Variants in CTNNA3 observed in about 807,000 individuals in gnomAD.
CTNNA3 encodes catenin alpha-3.
A neutral mutation model predicts 95.7 loss-of-function variants in CTNNA3; 76 were observed. The observed-to-expected ratio is 0.79, with a 90% CI of 0.66 to 0.96. The LOEUF (loss-of-function observed/expected upper bound fraction) is 0.96. CTNNA3 is among the 40% of genes least tolerant of loss of function. The probability of loss-of-function intolerance (pLI) is 0.00; values close to 1 mark genes in which losing one functional copy is unlikely to be tolerated. For missense variants in CTNNA3, 1,191 were observed against 1,089.8 expected, an observed-to-expected ratio of 1.09 and a Z score of -1.31; for synonymous variants, 431 against 374.4, an observed-to-expected ratio of 1.15 and a Z score of -1.74.
intron 5 of CTNNA3, among the ~76,000 whole-genome samples, chr10:67,341,063 G>A (rs1842166018): frequency 6.6e-6 from 1 of 152,018 alleles, no homozygotes; most frequent in African/African-American, 2.4e-5. Flanking sequence ...TTTAATTTTT[G>A]TGGGTACATA....
At chr10:67,415,916 A>T (rs954689557) in intron 5 of CTNNA3, among the ~76,000 whole-genome samples, 4 of 152,214 alleles carry the variant, frequency 2.6e-5, no homozygotes, top group South Asian at 2.1e-4. Flanking sequence ...CTATTCAATA[A>T]ATGGTGCTGG....
chr10:67,224,773 G>A (rs1461894126), intron 5 of CTNNA3, among the ~76,000 whole-genome samples: 3 of 152,200 alleles, frequency 2.0e-5, no homozygotes, highest in African/African-American at 7.2e-5. Context: ...CCACTGGGAG[G>A]GCAGCCAGAG....
At chr10:67,758,287 T>C (rs944058888) in intron 1 of CTNNA3, among the ~76,000 whole-genome samples, 1 of 142,628 alleles carries the variant, frequency 7.0e-6, no homozygotes, top group East Asian at 2.0e-4. Context: ...TGTATATGTA[T>C]ATACACACAC....
intron 6 of CTNNA3, among the ~76,000 whole-genome samples, chr10:67,210,092 G>T (rs188346994): frequency 1.3e-5 from 2 of 152,066 alleles, no homozygotes; most frequent in African/African-American, 4.8e-5. Flanking sequence ...CAGATCACAA[G>T]GTCGGGAGAT....
At position 65,950,995 on chromosome 10, in the gene CTNNA3, A is replaced by G. The variant is rs145346389; in HGVS notation, c.2400+15617T>C. 3.3e-3 allele frequency among the ~76,000 whole-genome samples: 509 copies of G among 152,302 alleles called. 4 individuals are homozygous for G. Among genetic ancestry groups the G allele is most frequent in the African/African-American group, 0.012 (479 of 41,554 alleles). ...CTGCCATTTGTGAGAGAGATACCACAGCAGTCTCAGTAAACCATGTCAAAT... is the reference window on the plus strand; with the variant it reads ...CTGCCATTTGTGAGAGAGATACCACGGCAGTCTCAGTAAACCATGTCAAAT... On this transcript the variant is annotated intron_variant, in intron 17 of 17. Transcript: ENST00000433211.
chr10:66,347,488 T>A (rs2092532277), intron 12 of CTNNA3, among the ~76,000 whole-genome samples: 1 of 151,784 alleles, frequency 6.6e-6, no homozygotes. Context: ...GGTGGCCACA[T>A]CTGCGGTTCC....
At chr10:67,132,393 A>G (rs1388673643) in intron 7 of CTNNA3, among the ~76,000 whole-genome samples, 1 of 152,084 alleles carries the variant, frequency 6.6e-6, no homozygotes, top group Non-Finnish European at 1.5e-5. Flanking sequence ...TCTTTGCTGG[A>G]CAACTATAAA....
intron 7 of CTNNA3, among the ~76,000 whole-genome samples, chr10:66,976,089 A>G (rs1850012647): frequency 6.6e-6 from 1 of 152,176 alleles, no homozygotes; most frequent in South Asian, 2.1e-4. Context: ...ACTTACTGTT[A>G]GGTGCTAGTA....
intron 3 of CTNNA3, among the ~76,000 whole-genome samples, chr10:67,585,138 C>T (rs952819402): frequency 3.9e-5 from 6 of 152,178 alleles, no homozygotes; most frequent in African/African-American, 7.2e-5. Flanking sequence ...CCATCTTCTG[C>T]GTCACTCATG....
At chr10:66,485,668 CAAAAT>C (rs999087735) in intron 11 of CTNNA3, among the ~76,000 whole-genome samples, 2 of 152,094 alleles carry the variant, frequency 1.3e-5, no homozygotes, top group African/African-American at 4.8e-5. Context: ...CCATACTACT[CAAAAT>C]AATCTATAGA....
chr10:65,965,959 A>T (rs2077956662), intron 17 of CTNNA3, among the ~76,000 whole-genome samples: 1 of 152,170 alleles, frequency 6.6e-6, no homozygotes, highest in South Asian at 2.1e-4. Flanking sequence ...TCCAATATAG[A>T]TATCAAATAT....
chr10:66,440,727 A>T (rs1319764166), intron 11 of CTNNA3, among the ~76,000 whole-genome samples: 1 of 152,178 alleles, frequency 6.6e-6, no homozygotes, highest in Non-Finnish European at 1.5e-5. Context: ...GGGCACCCTC[A>T]TCTGACTAGC....
intron 5 of CTNNA3, among the ~76,000 whole-genome samples, chr10:67,252,027 C>T (rs1475655278): frequency 2.6e-5 from 4 of 151,854 alleles, no homozygotes; most frequent in Admixed American, 6.6e-5. Flanking sequence ...CTGGCCAACA[C>T]GGTGAAACTC....
chr10:66,121,870 A>G (rs559317108), intron 13 of CTNNA3, among the ~76,000 whole-genome samples: 42 of 152,286 alleles, frequency 2.8e-4, no homozygotes, highest in African/African-American at 9.9e-4. Context: ...AGGTTTACCA[A>G]CTTTTTAAAA....
At chr10:66,197,550 CA>C (rs1376921097) in intron 13 of CTNNA3, among the ~76,000 whole-genome samples, 2 of 151,732 alleles carry the variant, frequency 1.3e-5, no homozygotes, top group Non-Finnish European at 2.9e-5. Flanking sequence ...TAATCACCTG[CA>C]AAAAAAGTAT....
At chr10:66,699,705 A>G (rs1054897844) in intron 9 of CTNNA3, among the ~76,000 whole-genome samples, 2 of 150,020 alleles carry the variant, frequency 1.3e-5, no homozygotes, top group East Asian at 4.0e-4. Context: ...CTTGTTGCCC[A>G]GGCTGGAGTG....
chr10:65,929,827 A>C (rs927482164), intron 17 of CTNNA3, among the ~76,000 whole-genome samples: 4 of 152,122 alleles, frequency 2.6e-5, no homozygotes, highest in Non-Finnish European at 2.9e-5. Flanking sequence ...TTGGCCTCCC[A>C]AAGTGTTAGG....
At chr10:66,736,303 A>G (rs543867830) in intron 9 of CTNNA3, among the ~76,000 whole-genome samples, 49 of 151,656 alleles carry the variant, frequency 3.2e-4, no homozygotes, top group Admixed American at 6.6e-4. Flanking sequence ...CTCCTGCCTC[A>G]GCCTCCCGAG....
rs554624644 is a variant in CTNNA3, at chr10:66,845,973, A to G, written c.1048-70449T>C. 1.3e-3 allele frequency among the ~76,000 whole-genome samples: 196 copies of G among 151,900 alleles called. 1 individual carries two copies. Among genetic ancestry groups the G allele is most frequent in the African/African-American group, 4.7e-3 (193 of 41,402 alleles). ...TGGTGAAACCCTGTCTCTACTAAAA[A>G]TACACAAATTTAGCCGGGCATGGTG... is the stretch of plus-strand genomic sequence containing the variant. On this transcript the variant is annotated intron_variant, in intron 7 of 17. Coordinates refer to ENST00000433211, the MANE Select transcript of CTNNA3 (RefSeq NM_013266.4).
Sources: gnomAD v4.1 joint callset for allele counts (sites outside exome capture counted in the v4.1 genomes callset) on GRCh38, gnomAD v4.1.1 for gene constraint, MANE v1.5 for transcripts, NCBI Gene and HGNC (gene_info 2026-07-23, HGNC 2026-07-21) for gene names.